Variants in NUP153 observed in about 807,000 individuals in gnomAD.
The protein encoded by NUP153 is nucleoporin 153, also known as nuclear pore complex protein Nup153.
In NUP153, 27 loss-of-function variants were observed where a neutral mutation model predicts 134.6. The observed-to-expected ratio is 0.20, with a 90% CI of 0.15 to 0.28. The LOEUF is 0.28. Among genes scored for constraint, NUP153 ranks in the 10% least tolerant of loss-of-function variants. NUP153 has a pLI of 1.00. For missense variants in NUP153, 1,821 were observed against 1,731.3 expected, an observed-to-expected ratio of 1.05 and a Z score of -0.92; for synonymous variants, 640 against 623.5, an observed-to-expected ratio of 1.03 and a Z score of -0.40.
At chr6:17,671,125 G>A (rs1767881488) in intron 5 of NUP153, among the ~76,000 whole-genome samples, 1 of 152,042 alleles carries the variant, frequency 6.6e-6, no homozygotes, top group Non-Finnish European at 1.5e-5. Context: ...ATTTTCATAT[G>A]TTGAGTCAAC....
intron 20 of NUP153, among the ~76,000 whole-genome samples, chr6:17,619,834 A>C (rs1178882202): frequency 6.6e-6 from 1 of 152,178 alleles, no homozygotes; most frequent in Non-Finnish European, 1.5e-5. Flanking sequence ...GCTGTGGCTC[A>C]CACCTATAAT....
chr6:17,701,837 G>GGGT (rs1770113445), intron 1 of NUP153, among the ~76,000 whole-genome samples: 1 of 106,644 alleles, frequency 9.4e-6, no homozygotes. Context: ...TGTCTCGGGG[G>GGGT]GGGGGGGAAA....
intron 14 of NUP153, among the ~76,000 whole-genome samples, chr6:17,642,692 T>G (rs1160629646): frequency 6.6e-6 from 1 of 152,126 alleles, no homozygotes. Flanking sequence ...TAGGCACATA[T>G]GAAAAAGCAT....
At chr6:17,620,638 A>G (rs1280961046) in intron 20 of NUP153, among the ~76,000 whole-genome samples, 1 of 152,200 alleles carries the variant, frequency 6.6e-6, no homozygotes, top group Non-Finnish European at 1.5e-5. Flanking sequence ...AATGCCGTCC[A>G]ACACAAATTC....
At chr6:17,648,878 C>T (rs901762541) in intron 12 of NUP153, among the ~76,000 whole-genome samples, 6 of 151,888 alleles carry the variant, frequency 4.0e-5, no homozygotes, top group Non-Finnish European at 8.8e-5. Context: ...ACATTGAGTG[C>T]ACTCCTACCC....
rs915899847 is a variant in NUP153 at position 17,695,987 on chromosome 6, T to C, written c.112-7369A>G. 2.4e-4 allele frequency among the ~76,000 whole-genome samples: 36 copies of C among 151,596 alleles called. No individual in the cohort carries two copies. In the South Asian group the frequency reaches 7.2e-3, roughly 30 times the overall value. ...TTGCACCACTGCACTCCAGCCTGGG[T>C]GACAGAGTGAGACTCCGTCTCAAAA... is the stretch of plus-strand genomic sequence containing the variant. On this transcript the variant is annotated intron_variant, in intron 1 of 21. Coordinates refer to ENST00000262077, the MANE Select transcript of NUP153 (RefSeq NM_005124.4).
At position 17,628,610 on chromosome 6, in the gene NUP153, T is replaced by TGA; in HGVS notation, c.3544+44_3544+45insTC. 1 of 932,464 alleles carries TGA rather than the reference T, an allele frequency of 1.1e-6. No homozygotes were observed. Among genetic ancestry groups the TGA allele is most frequent in the South Asian group, 5.6e-5 (1 of 17,752 alleles). The allele number at this position is 932,464 out of a possible 1,614,324, so 57.8% of individuals were successfully genotyped here. ...AGGCAACTTGTAAAACGACAACTTG[T>TGA]AAAAAAAAAAATAATAATAATAATA... is the stretch of plus-strand genomic sequence containing the variant. On this transcript the variant is annotated intron_variant, in intron 18 of 21. Transcript: ENST00000262077. The surrounding 1 kb of genome is among the most constrained non-coding windows in gnomAD (Gnocchi z 5.4).
intron 14 of NUP153, among the ~76,000 whole-genome samples, chr6:17,644,451 T>C (rs912642693): frequency 6.6e-6 from 1 of 152,210 alleles, no homozygotes; most frequent in East Asian, 1.9e-4. Flanking sequence ...TTTTAGGATT[T>C]AAAGCTACCT....
chr6:17,636,045 G>C (rs775257809), intron 16 of NUP153, among the ~76,000 whole-genome samples: 5 of 152,040 alleles, frequency 3.3e-5, no homozygotes, highest in Non-Finnish European at 5.9e-5. Flanking sequence ...TCATAATGAA[G>C]ATTCTAGGCC....
chr6:17,624,944 C>G (rs1041560441), intron 19 of NUP153, 111 bp from the exon 20 acceptor site: 1 of 1,022,630 alleles, frequency 9.8e-7, no homozygotes, highest in African/African-American at 1.6e-5. Context: ...AGACTCTTAC[C>G]TTGCTAACCA....
intron 8 of NUP153, among the ~76,000 whole-genome samples, 164 bp downstream of exon 8, chr6:17,668,811 C>T (rs537979560): frequency 1.3e-5 from 2 of 151,830 alleles, no homozygotes; most frequent in South Asian, 2.1e-4. Flanking sequence ...CCACTGCACA[C>T]CAGTCTGGAT....
intron 21 of NUP153, 109 bp from the exon 22 acceptor site, chr6:17,616,290 G>GGGGGGGGGGGGGCCCCCC: frequency 4.2e-6 from 2 of 473,874 alleles, no homozygotes; most frequent in East Asian, 4.5e-5. Context: ...GGTGGGGGGG[G>GGGGGGGGGGGGGCCCCCC]AGTAGACTCA....
intron 20 of NUP153, among the ~76,000 whole-genome samples, chr6:17,621,962 AT>A (rs1295716682): frequency 1.3e-5 from 2 of 151,936 alleles, no homozygotes; most frequent in African/African-American, 2.4e-5. Flanking sequence ...ACTTTAAAAT[AT>A]TTTTTTAAAG....
In NUP153 at chr6:17,649,241, A is replaced by G; in HGVS notation, c.1455T>C (p.Pro485=). 6 of 1,613,956 alleles carry G rather than the reference A, an allele frequency of 3.7e-6. No homozygotes were observed. Among genetic ancestry groups the G allele is most frequent in the Non-Finnish European group, 4.2e-6 (5 of 1,179,872 alleles). Residue 485 remains proline (P), a synonymous_variant, in exon 12 of 22, where the codon CCT becomes CCC. Transcript: ENST00000262077. ...TCTCAGGGGAACTAAAATTAAAGGT[A>G]GGCAGTGAAGAACTGGTGATCGGTA... The part of the protein sequence containing the change: ...ISLPITSSSL[P]TFNFSSPEIT...
intron 20 of NUP153, among the ~76,000 whole-genome samples, chr6:17,621,947 GAAAAA>G (rs1764661612): frequency 1.3e-5 from 2 of 151,892 alleles, no homozygotes; most frequent in Non-Finnish European, 2.9e-5. Flanking sequence ...TTTTAAAAAT[GAAAAA>G]CTTTAAAATA....
chr6:17,653,685 C>T (rs1437756181), intron 11 of NUP153, among the ~76,000 whole-genome samples: 1 of 152,090 alleles, frequency 6.6e-6, no homozygotes, highest in Non-Finnish European at 1.5e-5. Context: ...ACAAGTGAAA[C>T]CAGTACATGG....
chr6:17,656,335 G>A (rs1766820372), intron 11 of NUP153, among the ~76,000 whole-genome samples: 1 of 152,206 alleles, frequency 6.6e-6, no homozygotes, highest in Non-Finnish European at 1.5e-5. Context: ...AGGACTGGGT[G>A]AAGAATCCTG....
intron 1 of NUP153, among the ~76,000 whole-genome samples, chr6:17,689,424 A>T (rs1561907281): frequency 6.6e-6 from 1 of 152,052 alleles, no homozygotes; most frequent in African/African-American, 2.4e-5. Context: ...AACAAAAAAA[A>T]ACAATCCAAC....
chr6:17,621,181 T>A (rs750735736), intron 20 of NUP153, among the ~76,000 whole-genome samples: 4 of 152,170 alleles, frequency 2.6e-5, no homozygotes, highest in African/African-American at 9.7e-5. Flanking sequence ...TTTCACCTCT[T>A]AGAATGGCTA....
Sources: allele counts gnomAD v4.1 joint callset (sites outside exome capture counted in the v4.1 genomes callset), GRCh38; gene constraint gnomAD v4.1.1; non-coding constraint Gnocchi (gnomAD v3.1); transcripts MANE v1.5; gene names NCBI Gene and HGNC (gene_info 2026-07-23, HGNC 2026-07-21).